ACTR3B: variants seen among roughly 807,000 people sequenced by gnomAD.
ACTR3B encodes the protein actin related protein 3B.
A neutral mutation model predicts 59.0 loss-of-function variants in ACTR3B; 8 were observed. The observed-to-expected ratio is 0.14, with a 90% confidence interval of 0.08 to 0.24. The LOEUF (loss-of-function observed/expected upper bound fraction) is 0.24. ACTR3B is among the 10% of genes least tolerant of loss of function. The probability of loss-of-function intolerance (pLI) is 1.00; values close to 1 mark genes in which losing one functional copy is unlikely to be tolerated. For synonymous variants in ACTR3B, 148 were observed against 197.9 expected (o/e 0.75, Z 2.12); for missense variants, 245 against 552.3 (o/e 0.44, Z 5.58).
intron 1 of ACTR3B, among the ~76,000 whole-genome samples, chr7:152,782,377 A>G (rs1270510798): frequency 6.6e-6 from 1 of 151,990 alleles, no homozygotes; most frequent in African/African-American, 2.4e-5. Flanking sequence ...TTTCAACTTT[A>G]TTTCCAGCAG....
At chr7:152,829,042 G>A (rs1265674833) in intron 9 of ACTR3B, among the ~76,000 whole-genome samples, 1 of 143,884 alleles carries the variant, frequency 7.0e-6, no homozygotes. Flanking sequence ...TTGTGTGTGT[G>A]TGTATATATA....
At chr7:152,849,723 T>A (rs557012994) in intron 9 of ACTR3B, among the ~76,000 whole-genome samples, 66 of 152,398 alleles carry the variant, frequency 4.3e-4, no homozygotes, top group African/African-American at 1.5e-3. Flanking sequence ...CTTTAGCCCC[T>A]GACAGTCTTT....
At chr7:152,840,391 C>T (rs1797783584) in intron 9 of ACTR3B, among the ~76,000 whole-genome samples, 1 of 152,184 alleles carries the variant, frequency 6.6e-6, no homozygotes, top group South Asian at 2.1e-4. Flanking sequence ...ACGTCATTAC[C>T]CTCTAATTTC....
intron 1 of ACTR3B, among the ~76,000 whole-genome samples, chr7:152,771,977 A>G (rs2098125134): frequency 1.3e-5 from 2 of 152,144 alleles, no homozygotes; most frequent in Non-Finnish European, 2.9e-5. Flanking sequence ...AGGCAGGAGA[A>G]TCGCTTGAAC....
intron 4 of ACTR3B, chr7:152,810,995 T>G (rs1194431127): frequency 1.3e-5 from 2 of 152,178 alleles, no homozygotes; most frequent in African/African-American, 4.8e-5. Context: ...CTTTTTCACT[T>G]AACAATTCAT....
chr7:152,836,612 C>T (rs1563146012), intron 9 of ACTR3B, among the ~76,000 whole-genome samples: 1 of 151,930 alleles, frequency 6.6e-6, no homozygotes. Context: ...TTGGTCTGTG[C>T]TCTATAAGCA....
intron 1 of ACTR3B, among the ~76,000 whole-genome samples, chr7:152,776,775 G>A (rs1440093164): frequency 4.6e-5 from 7 of 152,202 alleles, no homozygotes; most frequent in African/African-American, 1.7e-4. Flanking sequence ...CACATAGCTG[G>A]TGCTGGGATT....
At chr7:152,820,178 A>C (rs556039471) in intron 6 of ACTR3B, 121 bp from the exon 7 acceptor site, 5 of 1,522,024 alleles carry the variant, frequency 3.3e-6, no homozygotes, top group East Asian at 2.3e-5. Context: ...GGGATTATGT[A>C]AATGCTTGTC....
At chr7:152,849,439 C>A (rs1275543246) in intron 9 of ACTR3B, among the ~76,000 whole-genome samples, 2 of 152,206 alleles carry the variant, frequency 1.3e-5, no homozygotes, top group Non-Finnish European at 2.9e-5. Context: ...CCTCCCTTAA[C>A]AATATATTAG....
intron 9 of ACTR3B, 136 bp downstream of exon 9, chr7:152,825,258 A>G (rs1307632613): frequency 2.2e-6 from 2 of 904,468 alleles, no homozygotes; most frequent in Non-Finnish European, 1.6e-6. Flanking sequence ...TGTTAAAGAC[A>G]ATATAATTGT....
intron 1 of ACTR3B, among the ~76,000 whole-genome samples, chr7:152,775,159 C>T (rs907363101): frequency 7.2e-6 from 1 of 138,790 alleles, no homozygotes; most frequent in African/African-American, 2.7e-5. Flanking sequence ...CCACTGCACT[C>T]CAGCCTGGGT....
intron 1 of ACTR3B, among the ~76,000 whole-genome samples, chr7:152,777,037 T>A (rs1327043737): frequency 1.1e-4 from 16 of 152,182 alleles, no homozygotes; most frequent in African/African-American, 3.1e-4. Context: ...TGTGTGTATA[T>A]CTTTGCATAC....
rs748848929 is a variant in ACTR3B at position 152,820,257 on chromosome 7, G to A, written c.541-42G>A. 38 of 1,574,332 alleles carry A rather than the reference G, an allele frequency of 2.4e-5. 1 individual carries two copies. In the South Asian group the frequency reaches 3.3e-4, roughly 14 times the overall value. On this transcript the variant is annotated intron_variant, in intron 6 of 11. Transcript: ENST00000256001. ...GTGAGTCCAGGCTGCTCTCCACCAC[G>A]AAATCACTAACACAGCTGTTCTGCC...
At chr7:152,821,316 A>G (rs1796133764) in intron 7 of ACTR3B, among the ~76,000 whole-genome samples, 1 of 151,970 alleles carries the variant, frequency 6.6e-6, no homozygotes, top group South Asian at 2.1e-4. Context: ...TGCCACTCCA[A>G]ATCTGTTAGA....
intron 4 of ACTR3B, among the ~76,000 whole-genome samples, chr7:152,808,757 A>C (rs920548546): frequency 6.6e-6 from 1 of 152,168 alleles, no homozygotes; most frequent in Non-Finnish European, 1.5e-5. Flanking sequence ...TTTAGTTAAT[A>C]TGTTATTTCT....
chr7:152,837,299 A>G (rs1335026391), intron 9 of ACTR3B, among the ~76,000 whole-genome samples: 1 of 152,258 alleles, frequency 6.6e-6, no homozygotes, highest in Admixed American at 6.5e-5. Flanking sequence ...GTTGGAAAGA[A>G]TACATTTATT....
rs1190060670 is a variant in ACTR3B, at chr7:152,852,054, C to T, written c.952-72C>T. 10 of 1,607,048 alleles carry T rather than the reference C, an allele frequency of 6.2e-6. No individual in the cohort carries two copies. In the South Asian group the frequency reaches 1.1e-4, roughly 18 times the overall value. On this transcript the variant is annotated intron_variant, in intron 9 of 11. Coordinates refer to ENST00000256001, the MANE Select transcript of ACTR3B (RefSeq NM_020445.6). ...ACAAGCGATTGGACCTGTGGGAGTTCTGTTGTGGGTGGTTCCCGGAACTGT... is the reference window on the plus strand; with the variant it reads ...ACAAGCGATTGGACCTGTGGGAGTTTTGTTGTGGGTGGTTCCCGGAACTGT...
intron 1 of ACTR3B, among the ~76,000 whole-genome samples, chr7:152,766,871 C>T (rs2098112088): frequency 1.3e-5 from 2 of 152,124 alleles, no homozygotes; most frequent in Admixed American, 6.5e-5. Flanking sequence ...AGTGCAACCT[C>T]CACCTCCTGG....
intron 9 of ACTR3B, among the ~76,000 whole-genome samples, chr7:152,828,098 C>T (rs1369625041): frequency 6.6e-6 from 1 of 152,080 alleles, no homozygotes; most frequent in Non-Finnish European, 1.5e-5. Flanking sequence ...AGGAGAGAGC[C>T]TGTTGTAGAC....
Sources: gnomAD v4.1 joint callset for allele counts (sites outside exome capture counted in the v4.1 genomes callset) on GRCh38, gnomAD v4.1.1 for gene constraint, MANE v1.5 for transcripts, NCBI Gene and HGNC (gene_info 2026-07-23, HGNC 2026-07-21) for gene names.